Variants in GLDC observed in about 807,000 individuals in gnomAD.
The protein encoded by GLDC is glycine dehydrogenase (decarboxylating), mitochondrial.
GLDC carries 104 observed loss-of-function variants against 121.3 expected under a neutral mutation model. That is an observed-to-expected ratio of 0.86 (90% CI 0.73 to 1.01). The LOEUF is 1.01. Among genes scored for constraint, GLDC ranks in the 50% least tolerant of loss-of-function variants. The probability of loss-of-function intolerance (pLI) is 0.00; values close to 1 mark genes in which losing one functional copy is unlikely to be tolerated. For synonymous variants in GLDC, 546 were observed against 480.6 expected, an observed-to-expected ratio of 1.14 and a Z score of -1.78; for missense variants, 1,429 against 1,306.6, an observed-to-expected ratio of 1.09 and a Z score of -1.44.
rs570097430 is a variant in GLDC, at chr9:6,602,156, G to T, written c.1108C>A (p.Gln370Lys). Residue 370 changes from glutamine to lysine, a missense_variant, in exon 8 of 25, where the codon CAA becomes AAA. By Grantham distance (53) the Gln-to-Lys change is moderately conservative. Transcript: ENST00000321612. The stretch of plus-strand genomic sequence containing the variant: ...GTAGCCTTGTCTCTCCGAATGTGTT[G>T]CTCCCTGGTTTGAAGAGCAAGACGA... ...VYRLALQTRE[Q>K]HIRRDKATSN... is the part of the protein sequence containing the mutation. 5 of 1,613,402 alleles carry T rather than the reference G, an allele frequency of 3.1e-6. No homozygotes were observed. The highest frequency in any genetic ancestry group is 1.3e-5 in the African/African-American group (1 of 75,032).
At chr9:6,629,929 C>CTATATATATATG (rs1477004462) in intron 2 of GLDC, among the ~76,000 whole-genome samples, 83 of 102,146 alleles carry the variant, frequency 8.1e-4, no homozygotes, top group Middle Eastern at 4.7e-3. Context: ...TTGCTTTTCA[C>CTATATATATATG]TATATATATA....
chr9:6,614,392 G>A (rs1027568834), intron 3 of GLDC, among the ~76,000 whole-genome samples: 1 of 151,006 alleles, frequency 6.6e-6, no homozygotes, highest in Non-Finnish European at 1.5e-5. Context: ...GCACCACCAC[G>A]CCCAGCTAAT....
chr9:6,555,015 C>G (rs1817593471), intron 18 of GLDC: 1 of 589,824 alleles, frequency 1.7e-6, no homozygotes, highest in Non-Finnish European at 3.0e-6. Context: ...ACCATTTAGT[C>G]CAATTTAGAT....
At chr9:6,574,773 C>T (rs1818031784) in intron 15 of GLDC, among the ~76,000 whole-genome samples, 1 of 151,948 alleles carries the variant, frequency 6.6e-6, no homozygotes, top group African/African-American at 2.4e-5. Flanking sequence ...TCATATTTGG[C>T]CCCCAGAGTA....
Position 6,534,733 on chromosome 9 carries a change from G to T in GLDC, c.2894C>A (p.Ser965Tyr). 6.2e-7 allele frequency: 1 copy of T among 1,604,432 alleles called. No individual in the cohort carries two copies. Among genetic ancestry groups the T allele is most frequent in the Non-Finnish European group, 8.5e-7 (1 of 1,171,270 alleles). Reference sequence around the variant, plus strand: ...GAGTGGGAATGCTGCCACCTCTCTGGAATAAGGCCGGTCCCAGTGGGAAGA... The same window carrying T: ...GAGTGGGAATGCTGCCACCTCTCTGTAATAAGGCCGGTCCCAGTGGGAAGA... ...VTSSHWDRPY[S>Y]REVAAFPLPF... is the part of the protein sequence containing the mutation. The change falls in exon 24 of 25, where the codon TCC becomes TAC. Residue 965 changes from serine (S) to tyrosine (Y), a missense_variant. Transcript: ENST00000321612.
At chr9:6,545,938 G>C (rs1817378832) in intron 21 of GLDC, among the ~76,000 whole-genome samples, 2 of 152,170 alleles carry the variant, frequency 1.3e-5, no homozygotes, top group South Asian at 4.1e-4. Context: ...ACCATGCCCA[G>C]CGTACTGTAA....
chr9:6,568,645 C>A (rs952980827), intron 15 of GLDC, among the ~76,000 whole-genome samples: 1 of 151,658 alleles, frequency 6.6e-6, no homozygotes, highest in Non-Finnish European at 1.5e-5. Context: ...ATCAGGAGTT[C>A]GAGACCAGCC....
chr9:6,591,752 T>C (rs1038853096), intron 11 of GLDC: 3 of 265,406 alleles, frequency 1.1e-5, no homozygotes, highest in Non-Finnish European at 2.2e-5. Context: ...GCCTGGCTAA[T>C]TTTGTATTTT....
chr9:6,553,562 T>C, intron 19 of GLDC, 53 bp from the exon 20 acceptor site: 1 of 1,576,950 alleles, frequency 6.3e-7, no homozygotes, highest in Non-Finnish European at 8.7e-7. Context: ...CAGTTTAATC[T>C]AATGGGAAGG....
At chr9:6,633,010 C>T (rs1819421235) in intron 2 of GLDC, among the ~76,000 whole-genome samples, 1 of 152,160 alleles carries the variant, frequency 6.6e-6, no homozygotes, top group African/African-American at 2.4e-5. Context: ...GTCCTCGCCA[C>T]CCAGATGCAC....
chr9:6,619,197 T>A (rs549332937), intron 3 of GLDC, among the ~76,000 whole-genome samples: 1 of 145,652 alleles, frequency 6.9e-6, no homozygotes, highest in African/African-American at 2.6e-5. Flanking sequence ...GAGTGACTTA[T>A]CTAACTGTTG....
chr9:6,619,145 GC>G (rs1819027204), intron 3 of GLDC, among the ~76,000 whole-genome samples: 1 of 30,210 alleles, frequency 3.3e-5, no homozygotes, highest in African/African-American at 1.5e-4. Context: ...TCTGTCTCAG[GC>G]AAAAAAAAAA....
At chr9:6,619,732 G>C (rs1317454661) in intron 3 of GLDC, among the ~76,000 whole-genome samples, 1 of 152,098 alleles carries the variant, frequency 6.6e-6, no homozygotes, top group East Asian at 1.9e-4. Flanking sequence ...CGTCTGGGCA[G>C]GGTGGTAGGC....
intron 2 of GLDC, chr9:6,639,117 A>G: frequency 1.4e-6 from 1 of 728,128 alleles, no homozygotes; most frequent in South Asian, 1.5e-5. Flanking sequence ...AGAATTAATG[A>G]CAAAAACAGA....
Position 6,604,668 on chromosome 9 carries a change from A to G in GLDC, c.978T>C (p.Tyr326=). The change falls in exon 7 of 25, where the codon TAT becomes TAC. Residue 326 remains tyrosine (Y), a synonymous_variant. Coordinates refer to ENST00000321612, the MANE Select transcript of GLDC (RefSeq NM_000170.3). ...CAAAAAATGCTGCATGGGGTCCCCCATAGCCCAGTGGCACTCCAAATCTCT... is the reference window on the plus strand; with the variant it reads ...CAAAAAATGCTGCATGGGGTCCCCCGTAGCCCAGTGGCACTCCAAATCTCT... ...SSQRFGVPLG[Y]GGPHAAFFAV... The G allele has an allele frequency of 6.2e-7, 1 of 1,614,138 alleles. No individual in the cohort carries two copies. The highest frequency in any genetic ancestry group is 1.1e-5 in the South Asian group (1 of 91,086).
chr9:6,554,582 A>T, intron 19 of GLDC, 87 bp downstream of exon 19: 1 of 932,710 alleles, frequency 1.1e-6, no homozygotes, highest in Non-Finnish European at 1.7e-6. Context: ...CAACACATGA[A>T]GACTTTGATG....
intron 12 of GLDC, 114 bp downstream of exon 12, chr9:6,589,081 C>T (rs543514061): frequency 2.8e-5 from 22 of 777,310 alleles, no homozygotes; most frequent in African/African-American, 1.0e-4. Context: ...TTGGGAGCCA[C>T]GGCTGAGCCA....
At chr9:6,534,604 C>T in intron 24 of GLDC, 104 bp downstream of exon 24, 1 of 717,258 alleles carries the variant, frequency 1.4e-6, no homozygotes, top group South Asian at 1.5e-5. Context: ...CACAAGGTGC[C>T]CCACATATGG....
At chr9:6,626,032 C>T (rs1382139502) in intron 2 of GLDC, among the ~76,000 whole-genome samples, 1 of 152,040 alleles carries the variant, frequency 6.6e-6, no homozygotes, top group Non-Finnish European at 1.5e-5. Flanking sequence ...TGCCACCCCT[C>T]TGCCTGCCTT....
Sources: gnomAD v4.1 joint callset for allele counts (sites outside exome capture counted in the v4.1 genomes callset) on GRCh38, gnomAD v4.1.1 for gene constraint, MANE v1.5 for transcripts, NCBI Gene and HGNC (gene_info 2026-07-23, HGNC 2026-07-21) for gene names.